PSMD12: variants seen among roughly 807,000 people sequenced by gnomAD.
The protein encoded by PSMD12 is 26S proteasome non-ATPase regulatory subunit 12.
In PSMD12, 8 loss-of-function variants were observed where a neutral mutation model predicts 62.9. That is an observed-to-expected ratio of 0.13 (90% confidence interval 0.07 to 0.23). The LOEUF is 0.23. Ranked by LOEUF, PSMD12 falls within the 10% of genes least tolerant of loss-of-function variation. The pLI, the probability that PSMD12 is intolerant of heterozygous loss-of-function variation, is 1.00. For missense variants in PSMD12, 424 were observed against 550.2 expected (o/e 0.77, Z 2.29); for synonymous variants, 173 against 187.4 (o/e 0.92, Z 0.63).
chr17:67,351,607 G>A (rs946115498), intron 3 of PSMD12, among the ~76,000 whole-genome samples: 2 of 151,930 alleles, frequency 1.3e-5, no homozygotes, highest in Admixed American at 6.6e-5. Flanking sequence ...TAGATTCAGG[G>A]GGTACATGTG....
At position 67,366,469 on chromosome 17, in the gene PSMD12, C is replaced by T. The variant is rs753148472; in HGVS notation, c.51G>A (p.Glu17=). The change falls in exon 1 of 11, where the codon GAG becomes GAA. Residue 17 remains glutamate (E), a synonymous_variant. Coordinates refer to ENST00000356126, the MANE Select transcript of PSMD12 (RefSeq NM_002816.5). ...ERADGRIVKM[E]VDYSATVDQR... ...GATCCACCGTGGCGCTGTAGTCCAC[C>T]TCCATCTTGACGATGCGCCCGTCAG... The T allele has an allele frequency of 1.6e-4, 253 of 1,611,872 alleles. No homozygotes were observed. The highest frequency in any genetic ancestry group is 1.8e-4 in the Non-Finnish European group (208 of 1,179,360).
chr17:67,341,469 CAAAAAAAAAAAAAAAAA>C (rs71368819), intron 10 of PSMD12, among the ~76,000 whole-genome samples: 1 of 51,130 alleles, frequency 2.0e-5, no homozygotes, highest in Non-Finnish European at 3.3e-5. Flanking sequence ...GACTCTGCCT[CAAAAAAAAAAAAAAAAA>C]AAAAAAAAGA....
At chr17:67,358,307 C>T (rs997017492) in intron 1 of PSMD12, among the ~76,000 whole-genome samples, 1 of 151,902 alleles carries the variant, frequency 6.6e-6, no homozygotes, top group African/African-American at 2.4e-5. Context: ...GTGGCTCATG[C>T]CTGTAATGAC....
intron 4 of PSMD12, 46 bp from the exon 5 acceptor site, chr17:67,348,700 T>A: frequency 6.5e-7 from 1 of 1,546,634 alleles, no homozygotes; most frequent in South Asian, 1.1e-5. Context: ...GGAAACGTGT[T>A]AAAATTTAAA....
chr17:67,362,484 C>T (rs2042140334), intron 1 of PSMD12, among the ~76,000 whole-genome samples: 1 of 151,970 alleles, frequency 6.6e-6, no homozygotes, highest in African/African-American at 2.4e-5. Context: ...ACCAGCCTAG[C>T]TAGTATGGTG....
At chr17:67,356,828 T>C (rs534251285) in intron 3 of PSMD12, among the ~76,000 whole-genome samples, 3 of 151,616 alleles carry the variant, frequency 2.0e-5, no homozygotes, top group East Asian at 2.0e-4. Flanking sequence ...CTGGGTAATA[T>C]AGTGAGACCT....
In PSMD12 at chr17:67,344,467, A is replaced by C. The variant is rs1235370668; in HGVS notation, c.1083+139T>G. ...ATATCCTAAGTGAAGAATTAAACAC[A>C]TAACATCCTAAATGAACATTTGGTT... On this transcript the variant is annotated intron_variant, in intron 9 of 10. Coordinates refer to ENST00000356126, the MANE Select transcript of PSMD12 (RefSeq NM_002816.5). 3 of 817,100 alleles carry C rather than the reference A, an allele frequency of 3.7e-6. No homozygotes were observed. The African/African-American group carries it at 5.2e-5, about 14-fold the overall frequency. 50.6% of individuals were successfully genotyped at this position (817,100 alleles called of 1,614,324 possible).
intron 4 of PSMD12, 83 bp downstream of exon 4, chr17:67,350,146 C>A: frequency 1.3e-6 from 1 of 797,794 alleles, no homozygotes; most frequent in South Asian, 2.5e-5. Context: ...TAAAAATATA[C>A]AAAATATCTA....
At chr17:67,363,946 G>A (rs867037148) in intron 1 of PSMD12, among the ~76,000 whole-genome samples, 1 of 152,140 alleles carries the variant, frequency 6.6e-6, no homozygotes, top group Non-Finnish European at 1.5e-5. Context: ...ATACTCGGGA[G>A]GCTGAGGCAC....
chr17:67,341,286 T>C (rs762155908), intron 10 of PSMD12, among the ~76,000 whole-genome samples: 3 of 151,680 alleles, frequency 2.0e-5, no homozygotes, highest in African/African-American at 4.8e-5. Context: ...CTGAGCAACA[T>C]GGTGAAACCC....
chr17:67,362,031 T>C (rs2042135432), intron 1 of PSMD12, among the ~76,000 whole-genome samples: 1 of 151,722 alleles, frequency 6.6e-6, no homozygotes, highest in Non-Finnish European at 1.5e-5. Context: ...CTCAAGGTCA[T>C]CGCCAAGATC....
At chr17:67,342,522 C>T (rs1004319102) in intron 9 of PSMD12, 3 of 261,134 alleles carry the variant, frequency 1.1e-5, no homozygotes, top group African/African-American at 4.4e-5. Context: ...AAAATATATG[C>T]CTGTCTTAAC....
At chr17:67,357,928 C>CT (rs34021817) in intron 1 of PSMD12, among the ~76,000 whole-genome samples, 72,233 of 148,814 alleles carry the variant, frequency 0.49, 17,660 homozygotes, top group Non-Finnish European at 0.55. Context: ...TTATCTTGTT[C>CT]TTTTTTTTTT....
chr17:67,361,939 A>G (rs901255792), intron 1 of PSMD12, among the ~76,000 whole-genome samples: 65 of 138,624 alleles, frequency 4.7e-4, no homozygotes, highest in African/African-American at 8.4e-4. Context: ...AGGGAGGGAG[A>G]GAGAGAGGAA....
chr17:67,348,146 TG>T (rs1470395803), intron 5 of PSMD12, among the ~76,000 whole-genome samples: 1 of 151,880 alleles, frequency 6.6e-6, no homozygotes, highest in Non-Finnish European at 1.5e-5. Flanking sequence ...TACTCAAGAG[TG>T]GGATTGCTGG....
rs2041903860 is a variant in PSMD12, at chr17:67,340,583, T to C, written c.*260A>G. On this transcript the variant is annotated 3_prime_UTR_variant, in exon 11 of 11. Transcript: ENST00000356126. ...CAGTAGCTAAAAAGGTTTCAAATGA[T>C]AGAAAAACATATCTGGGTAAGTTAT... 2 of 334,912 alleles carry C rather than the reference T, an allele frequency of 6.0e-6. No homozygotes were observed. Among genetic ancestry groups the C allele is most frequent in the Non-Finnish European group, 1.1e-5 (2 of 188,370 alleles). The allele number at this position is 334,912 out of a possible 1,614,324, so 20.7% of individuals were successfully genotyped here. A position where few individuals can be genotyped will look rare whatever the true frequency, so the allele number is the denominator to read the frequency against.
chr17:67,353,632 T>C (rs984944522), intron 3 of PSMD12, among the ~76,000 whole-genome samples: 1 of 152,160 alleles, frequency 6.6e-6, no homozygotes, highest in Non-Finnish European at 1.5e-5. Flanking sequence ...TTAAAGCTAC[T>C]TTCTAAGTCT....
chr17:67,339,413 TTAA>T lies in PSMD12; in HGVS notation c.*1427_*1429del, dbSNP rs1347365121. ...TGCACCCGGCCTTTTTTGGTTAGTTTTAAAAAGATAAGTGATAGCAGATGTTGA... is the reference window on the plus strand; with the variant it reads ...TGCACCCGGCCTTTTTTGGTTAGTTTAAAGATAAGTGATAGCAGATGTTGA... On this transcript the variant is annotated 3_prime_UTR_variant, in exon 11 of 11. Coordinates refer to ENST00000356126, the MANE Select transcript of PSMD12 (RefSeq NM_002816.5). 2.6e-5 allele frequency: 4 copies of T among 152,292 alleles called. No homozygotes were observed. In the East Asian group the frequency reaches 7.7e-4, roughly 29 times the overall value. 9.4% of individuals were successfully genotyped at this position (152,292 alleles called of 1,614,324 possible). A position where few individuals can be genotyped will look rare whatever the true frequency, so the allele number is the denominator to read the frequency against.
intron 9 of PSMD12, among the ~76,000 whole-genome samples, chr17:67,342,813 A>G (rs997830485): frequency 1.3e-5 from 2 of 150,174 alleles, no homozygotes; most frequent in African/African-American, 4.9e-5. Context: ...GTGCATGCCT[A>G]TAGTCCTAGC....
Sources: gnomAD v4.1 joint callset for allele counts (sites outside exome capture counted in the v4.1 genomes callset) on GRCh38, gnomAD v4.1.1 for gene constraint, MANE v1.5 for transcripts, NCBI Gene and HGNC (gene_info 2026-07-23, HGNC 2026-07-21) for gene names.